The following PKP4 variants were observed in gnomAD, a reference collection of about 807,000 sequenced individuals.
PKP4 encodes plakophilin-4.
Under a neutral mutation model 145.1 loss-of-function variants are expected in PKP4, and 90 were observed. That is an observed-to-expected ratio of 0.62 (90% confidence interval 0.52 to 0.74). PKP4 has a LOEUF of 0.74. Among genes scored for constraint, PKP4 ranks in the 30% least tolerant of loss-of-function variants. The pLI is 0.00. For synonymous variants in PKP4, 563 were observed against 577.2 expected (o/e 0.98, Z 0.35); for missense variants, 1,340 against 1,482.7 (o/e 0.90, Z 1.58).
At chr2:158,607,287 T>C (rs2050734345) in intron 4 of PKP4, among the ~76,000 whole-genome samples, 2 of 152,158 alleles carry the variant, frequency 1.3e-5, no homozygotes, top group Admixed American at 6.5e-5. Context: ...ATTGGAGACT[T>C]AGTGTTTGAT....
chr2:158,577,545 G>T (rs1468015080), intron 3 of PKP4, among the ~76,000 whole-genome samples, 162 bp downstream of exon 3: 4 of 152,154 alleles, frequency 2.6e-5, no homozygotes, highest in African/African-American at 9.7e-5. Flanking sequence ...GAAGCCTCTT[G>T]CAATCCCTCA....
chr2:158,552,577 TC>T (rs34824373), intron 2 of PKP4, among the ~76,000 whole-genome samples: 61,918 of 151,822 alleles, frequency 0.41, 13,220 homozygotes, highest in East Asian at 0.67. Context: ...TGGTGAGAGC[TC>T]AGAAGGAAAT....
Position 158,616,314 on chromosome 2 carries a change from T to C in PKP4, c.281-4676T>C, listed in dbSNP as rs115632477. 9.4e-3 allele frequency among the ~76,000 whole-genome samples: 1,433 copies of C among 152,336 alleles called. 7 individuals carry two copies. The highest frequency in any genetic ancestry group is 0.012 in the African/African-American group (484 of 41,568). On this transcript the variant is annotated intron_variant, in intron 4 of 21. Transcript: ENST00000389759. ...GAAATCTTTTTGGTGCCACCACCTA[T>C]GTTCTCTTCCAGAATTTGGCTTTGC...
At chr2:158,511,426 A>G (rs771665508) in intron 1 of PKP4, among the ~76,000 whole-genome samples, 39 of 152,134 alleles carry the variant, frequency 2.6e-4, no homozygotes, top group African/African-American at 6.5e-4. Context: ...TTTTCTGTAC[A>G]TAGTGTATTA....
intron 4 of PKP4, among the ~76,000 whole-genome samples, chr2:158,620,154 A>C (rs1224019451): frequency 6.6e-6 from 1 of 152,196 alleles, no homozygotes; most frequent in Non-Finnish European, 1.5e-5. Flanking sequence ...TATAAGGGTT[A>C]AATGCAAGGA....
chr2:158,499,726 G>C (rs1007552334), intron 1 of PKP4, among the ~76,000 whole-genome samples: 1 of 152,070 alleles, frequency 6.6e-6, no homozygotes, highest in Non-Finnish European at 1.5e-5. Flanking sequence ...CATTCACTCG[G>C]TTAGAAATGA....
intron 12 of PKP4, 83 bp downstream of exon 12, chr2:158,658,397 T>C (rs2056201353): frequency 1.3e-6 from 1 of 795,894 alleles, no homozygotes; most frequent in Non-Finnish European, 2.0e-6. Flanking sequence ...GGACTTACTT[T>C]ATTAACATCT....
At chr2:158,498,363 C>G (rs1479655727) in intron 1 of PKP4, among the ~76,000 whole-genome samples, 1 of 152,146 alleles carries the variant, frequency 6.6e-6, no homozygotes, top group East Asian at 1.9e-4. Context: ...AAATCAAAAC[C>G]TATCCAGATA....
intron 3 of PKP4, 74 bp from the exon 4 acceptor site, chr2:158,602,996 T>C (rs1574725004): frequency 1.2e-6 from 1 of 809,870 alleles, no homozygotes; most frequent in East Asian, 2.8e-5. Context: ...AATGTTAATA[T>C]GCAAAACAGG....
At position 158,547,875 on chromosome 2, in the gene PKP4, A is replaced by G. The variant is rs200702686; in HGVS notation, c.132+14559A>G. Among the ~76,000 whole-genome samples the G allele has an allele frequency of 3.4e-4, 52 of 152,352 alleles. 1 individual carries two copies. In the East Asian group the frequency reaches 9.4e-3, roughly 28 times the overall value. ...CTGAGTGAAAGAAACAAGACCACAC[A>G]TTAGGCTGAGCGTCGAGGAGTGAAG... On this transcript the variant is annotated intron_variant, in intron 2 of 21. Coordinates refer to ENST00000389759, the MANE Select transcript of PKP4 (RefSeq NM_003628.6).
intron 1 of PKP4, among the ~76,000 whole-genome samples, chr2:158,468,042 G>T (rs1690929648): frequency 6.6e-6 from 1 of 152,080 alleles, no homozygotes; most frequent in South Asian, 2.1e-4. Context: ...CCATTCACCT[G>T]TTGTTTCCAA....
chr2:158,649,730 A>C (rs1011038676), intron 11 of PKP4, among the ~76,000 whole-genome samples: 13 of 152,316 alleles, frequency 8.5e-5, no homozygotes, highest in African/African-American at 3.1e-4. Context: ...TTCAAACATC[A>C]GTCAGAGTGG....
At chr2:158,656,876 C>T in intron 11 of PKP4, among the ~76,000 whole-genome samples, 1 of 152,200 alleles carries the variant, frequency 6.6e-6, no homozygotes, top group African/African-American at 2.4e-5. Flanking sequence ...ACAGGGGGCA[C>T]CCAGAGAAGG....
intron 4 of PKP4, among the ~76,000 whole-genome samples, chr2:158,616,659 A>C (rs2051654201): frequency 6.6e-6 from 1 of 152,132 alleles, no homozygotes; most frequent in Non-Finnish European, 1.5e-5. Flanking sequence ...GCAAACCCCT[A>C]AACACCATAG....
chr2:158,500,636 A>C (rs1696414610), intron 1 of PKP4, among the ~76,000 whole-genome samples: 1 of 152,138 alleles, frequency 6.6e-6, no homozygotes, highest in Non-Finnish European at 1.5e-5. Flanking sequence ...TCAGCCACAG[A>C]GCGCACAACA....
At chr2:158,553,985 A>G (rs2045852729) in intron 2 of PKP4, among the ~76,000 whole-genome samples, 1 of 152,140 alleles carries the variant, frequency 6.6e-6, no homozygotes, top group African/African-American at 2.4e-5. Flanking sequence ...AATGGGTTGC[A>G]TGTATTTGGG....
chr2:158,614,853 C>T (rs1404034546), intron 4 of PKP4, among the ~76,000 whole-genome samples: 1 of 151,782 alleles, frequency 6.6e-6, no homozygotes, highest in Middle Eastern at 3.2e-3. Context: ...GTCTGAAAAC[C>T]CTTCTTTTTC....
intron 1 of PKP4, among the ~76,000 whole-genome samples, chr2:158,522,323 A>G (rs907286215): frequency 4.6e-5 from 7 of 152,236 alleles, no homozygotes; most frequent in Non-Finnish European, 1.0e-4. Flanking sequence ...GGTTACACCT[A>G]TATATTACAT....
At chr2:158,465,385 T>TG (rs1690450745) in intron 1 of PKP4, among the ~76,000 whole-genome samples, 1 of 152,208 alleles carries the variant, frequency 6.6e-6, no homozygotes, top group Non-Finnish European at 1.5e-5. Flanking sequence ...GTTTTAATCA[T>TG]GAACTTGATT....
Sources: allele counts gnomAD v4.1 joint callset (sites outside exome capture counted in the v4.1 genomes callset), GRCh38; gene constraint gnomAD v4.1.1; transcripts MANE v1.5; gene names NCBI Gene and HGNC (gene_info 2026-07-23, HGNC 2026-07-21).